EXOC7: variants seen among roughly 807,000 people sequenced by gnomAD.
EXOC7 encodes the protein exocyst complex component 7, also known as exocyst complex component Exo70.
Under a neutral mutation model 87.6 loss-of-function variants are expected in EXOC7, and 51 were observed. That is an observed-to-expected ratio of 0.58 (90% CI 0.46 to 0.73). EXOC7 has a LOEUF of 0.73. Ranked by LOEUF, EXOC7 falls within the 30% of genes least tolerant of loss-of-function variation. The pLI is 0.00. For missense variants in EXOC7, 744 were observed against 888.4 expected, an observed-to-expected ratio of 0.84 and a Z score of 2.07; for synonymous variants, 327 against 357.1, an observed-to-expected ratio of 0.92 and a Z score of 0.95.
At chr17:76,085,033 C>T in intron 15 of EXOC7, 1 of 509,096 alleles carries the variant, frequency 2.0e-6, no homozygotes, top group Non-Finnish European at 3.5e-6. Flanking sequence ...CCTAGGTAAA[C>T]ATTACCCACG....
rs376309530 is a variant in EXOC7 at position 76,082,590 on chromosome 17, A to G, written c.*1058T>C. 1.2e-6 allele frequency: 2 copies of G among 1,613,668 alleles called. No homozygotes were observed. Among genetic ancestry groups the G allele is most frequent in the Non-Finnish European group, 1.7e-6 (2 of 1,179,926 alleles). ...TCTTTGCAGGAATCTGGATGTGGGCAGCGTGCAAGTCTGACGCAGCCCCTG... is the reference window on the plus strand; with the variant it reads ...TCTTTGCAGGAATCTGGATGTGGGCGGCGTGCAAGTCTGACGCAGCCCCTG... On this transcript the variant is annotated 3_prime_UTR_variant, in exon 19 of 19. Coordinates refer to ENST00000589210, the MANE Select transcript of EXOC7 (RefSeq NM_001013839.4).
intron 1 of EXOC7, 22 bp downstream of exon 1, chr17:76,103,602 TCCTCCCCAG>T (rs761348414): frequency 1.7e-5 from 27 of 1,583,152 alleles, no homozygotes; most frequent in South Asian, 1.1e-5. Flanking sequence ...TTCCCTCACC[TCCTCCCCAG>T]CCTCCCCAGG....
chr17:76,082,806 AGT>A lies in EXOC7; in HGVS notation c.*840_*841del. 1.4e-6 allele frequency: 1 copy of A among 701,080 alleles called. No homozygotes were observed. Among genetic ancestry groups the A allele is most frequent in the East Asian group, 3.1e-5 (1 of 32,486 alleles). The allele number at this position is 701,080 out of a possible 1,614,324, so 43.4% of individuals were successfully genotyped here. A position where few individuals can be genotyped will look rare whatever the true frequency, so the allele number is the denominator to read the frequency against. ...GTGAAATAAACCCATCTCCAGTGCAAGTGTGCCTCAAGGGTCAGTCTTCAATC... is the reference window on the plus strand; with the variant it reads ...GTGAAATAAACCCATCTCCAGTGCAAGTGCCTCAAGGGTCAGTCTTCAATC... On this transcript the variant is annotated 3_prime_UTR_variant, in exon 19 of 19. Coordinates refer to ENST00000589210, the MANE Select transcript of EXOC7 (RefSeq NM_001013839.4).
At position 76,086,163 on chromosome 17, in the gene EXOC7, C is replaced by T; in HGVS notation, c.1430-18G>A. ...GCTGGTCTCTGTGAGAGGAGAAGTC[C>T]TGTTATTGCAGTGGCAGCAGCCAAG... On this transcript the variant is annotated intron_variant, in intron 12 of 18. Transcript: ENST00000589210. 6.2e-7 allele frequency: 1 copy of T among 1,612,706 alleles called. No homozygotes were observed.
At chr17:76,091,820 A>G (rs2067495419) in intron 6 of EXOC7, among the ~76,000 whole-genome samples, 2 of 152,218 alleles carry the variant, frequency 1.3e-5, no homozygotes, top group South Asian at 2.1e-4. Flanking sequence ...GCCCCACACC[A>G]GAGTTCCCCA....
chr17:76,089,506 G>A, intron 7 of EXOC7, 186 bp from the exon 8 acceptor site: 1 of 666,820 alleles, frequency 1.5e-6, no homozygotes, highest in Non-Finnish European at 2.5e-6. Context: ...GGGAATAAAA[G>A]GAGCTGAGCC....
chr17:76,091,283 A>G (rs1353022225), intron 6 of EXOC7, 48 bp from the exon 7 acceptor site: 2 of 1,557,980 alleles, frequency 1.3e-6, no homozygotes, highest in Non-Finnish European at 8.9e-7. Context: ...CTAGGAAATG[A>G]GTGAGAGAAA....
intron 7 of EXOC7, chr17:76,090,670 C>T: frequency 3.3e-6 from 2 of 609,868 alleles, no homozygotes; most frequent in South Asian, 2.0e-5. Flanking sequence ...GGAGAAGGAC[C>T]AAGGAGGGGC....
chr17:76,090,590 C>A, intron 7 of EXOC7: 1 of 1,087,560 alleles, frequency 9.2e-7, no homozygotes, highest in Non-Finnish European at 1.3e-6. Context: ...CGTTTCAAGC[C>A]TGACTTCAGT....
intron 7 of EXOC7, chr17:76,090,532 G>C: frequency 3.9e-6 from 6 of 1,522,210 alleles, no homozygotes; most frequent in Non-Finnish European, 5.3e-6. Context: ...GGGGGCATCG[G>C]AGAGGGCCCT....
At chr17:76,088,367 A>G in intron 10 of EXOC7, 97 bp downstream of exon 10, 2 of 1,271,304 alleles carry the variant, frequency 1.6e-6, no homozygotes, top group Non-Finnish European at 2.2e-6. Context: ...CCCCGGGACA[A>G]CGCACCCTCT....
intron 7 of EXOC7, chr17:76,090,466 G>A: frequency 6.4e-7 from 1 of 1,551,580 alleles, no homozygotes; most frequent in Non-Finnish European, 8.7e-7. Context: ...GCCCCTTGGG[G>A]TACAGGGAAG....
intron 7 of EXOC7, 93 bp from the exon 8 acceptor site, chr17:76,089,413 C>T: frequency 6.7e-7 from 1 of 1,489,916 alleles, no homozygotes; most frequent in Non-Finnish European, 9.2e-7. Context: ...TGGCCTGTAC[C>T]CCACACTGGC....
Position 76,085,815 on chromosome 17 carries a change from G to C in EXOC7, c.1496-18C>G. Reference sequence around the variant, plus strand: ...CACTTTACCTGCACAGGGAAAAATGGGGCCACACCCACCATGGCAGTCTGA... The same window carrying C: ...CACTTTACCTGCACAGGGAAAAATGCGGCCACACCCACCATGGCAGTCTGA... On this transcript the variant is annotated intron_variant, in intron 13 of 18. Coordinates refer to ENST00000589210, the MANE Select transcript of EXOC7 (RefSeq NM_001013839.4). 1 of 1,607,742 alleles carries C rather than the reference G, an allele frequency of 6.2e-7. No individual in the cohort carries two copies. The highest frequency in any genetic ancestry group is 8.5e-7 in the Non-Finnish European group (1 of 1,177,164).
chr17:76,097,922 C>T lies in EXOC7; in HGVS notation c.514G>A (p.Asp172Asn), dbSNP rs377287252. Reference sequence around the variant, plus strand: ...AGATCATCGTCACCACTGATCAGATCCAAGATGAGCACGGGCGAGACGACC... The same window carrying T: ...AGATCATCGTCACCACTGATCAGATTCAAGATGAGCACGGGCGAGACGACC... ...SKVVSPVLIL[D>N]LISGDDDLEA... Residue 172 changes from aspartate (D) to asparagine (N), a missense_variant, in exon 5 of 19, where the codon GAT (aspartate) becomes AAT (asparagine). Asp to Asn is a conservative substitution (Grantham distance 23). Coordinates refer to ENST00000589210, the MANE Select transcript of EXOC7 (RefSeq NM_001013839.4). The T allele has an allele frequency of 6.2e-7, 1 of 1,614,038 alleles. No homozygotes were observed. Among genetic ancestry groups the T allele is most frequent in the South Asian group, 1.1e-5 (1 of 91,074 alleles).
intron 5 of EXOC7, 98 bp from the exon 6 acceptor site, chr17:76,094,679 G>T: frequency 8.0e-7 from 1 of 1,244,476 alleles, no homozygotes; most frequent in Non-Finnish European, 1.1e-6. Context: ...ACCCTTCTTA[G>T]CATCTGCTCC....
Position 76,082,065 on chromosome 17 carries a change from G to T in EXOC7, c.*1583C>A. 1 of 1,590,406 alleles carries T rather than the reference G, an allele frequency of 6.3e-7. No individual in the cohort carries two copies. Among genetic ancestry groups the T allele is most frequent in the South Asian group, 1.1e-5 (1 of 88,676 alleles). On this transcript the variant is annotated 3_prime_UTR_variant, in exon 19 of 19. Coordinates refer to ENST00000589210, the MANE Select transcript of EXOC7 (RefSeq NM_001013839.4). Reference sequence around the variant, plus strand: ...CCTGCTGAAGGTGGGCAGGGGCTGGGGGGTAAGGAATGAGGCCTAGGTGCA... The same window carrying T: ...CCTGCTGAAGGTGGGCAGGGGCTGGTGGGTAAGGAATGAGGCCTAGGTGCA...
chr17:76,082,727 C>T lies in EXOC7; in HGVS notation c.*921G>A. On this transcript the variant is annotated 3_prime_UTR_variant, in exon 19 of 19. Transcript: ENST00000589210. ...TGGCTGGGGGCGGGCCATGACAGGG[C>T]CTCTGGATTAAGCCACCCTGAGCTC... 6.9e-7 allele frequency: 1 copy of T among 1,448,744 alleles called. No homozygotes were observed. The highest frequency in any genetic ancestry group is 2.5e-4 in the Middle Eastern group (1 of 3,994). The allele number at this position is 1,448,744 out of a possible 1,614,324, so 89.7% of individuals were successfully genotyped here. A position where few individuals can be genotyped will look rare whatever the true frequency, so the allele number is the denominator to read the frequency against.
At position 76,088,918 on chromosome 17, in the gene EXOC7, G is replaced by C. The variant is rs754919372; in HGVS notation, c.1053C>G (p.Ala351=). 27 of 1,612,776 alleles carry C rather than the reference G, an allele frequency of 1.7e-5. No individual in the cohort carries two copies. In the South Asian group the frequency reaches 3.0e-4, roughly 18 times the overall value. Residue 351 remains alanine (A), a synonymous_variant, in exon 9 of 19, where the codon GCC becomes GCG. Coordinates refer to ENST00000589210, the MANE Select transcript of EXOC7 (RefSeq NM_001013839.4). Reference sequence around the variant, plus strand: ...CCCCTTCAAGCATCAGCCCATCCAGGGCATCCTGAGGGGGCAGGGAGACAG... The same window carrying C: ...CCCCTTCAAGCATCAGCCCATCCAGCGCATCCTGAGGGGGCAGGGAGACAG... ...KKTFDSLIQD[A]LDGLMLEGEN...
Sources: allele counts gnomAD v4.1 joint callset (sites outside exome capture counted in the v4.1 genomes callset), GRCh38; gene constraint gnomAD v4.1.1; transcripts MANE v1.5; gene names NCBI Gene and HGNC (gene_info 2026-07-23, HGNC 2026-07-21).